LRMDA: variants seen among roughly 807,000 people sequenced by gnomAD.
LRMDA encodes the protein leucine-rich melanocyte differentiation-associated protein.
Under a neutral mutation model 29.8 loss-of-function variants are expected in LRMDA, and 18 were observed. The ratio of observed to expected loss-of-function variants is 0.60; its 90% CI spans 0.42 to 0.90. LRMDA has a LOEUF of 0.90. LRMDA is among the 40% of genes least tolerant of loss of function. The pLI, the probability that LRMDA is intolerant of heterozygous loss-of-function variation, is 0.00. For missense variants in LRMDA, 273 were observed against 273.9 expected (o/e 1.00, Z 0.02); for synonymous variants, 125 against 109.4 (o/e 1.14, Z -0.89).
intron 6 of LRMDA, among the ~76,000 whole-genome samples, chr10:76,526,918 C>A (rs1448826537): frequency 6.7e-6 from 1 of 149,970 alleles, no homozygotes; most frequent in Non-Finnish European, 1.5e-5. Flanking sequence ...CAGCATGGCA[C>A]ATGTATACAT....
At chr10:75,875,048 A>T (rs1257980748) in intron 2 of LRMDA, among the ~76,000 whole-genome samples, 2 of 152,172 alleles carry the variant, frequency 1.3e-5, no homozygotes, top group Non-Finnish European at 2.9e-5. Context: ...AATATCAATC[A>T]CTTAGCCATC....
Position 76,037,351 on chromosome 10 carries a change from G to T in LRMDA, c.258+1217G>T, listed in dbSNP as rs1589298291. On this transcript the variant is annotated intron_variant, in intron 3 of 6. Transcript: ENST00000611255. ...CATACAATAAGTTAGAAATAGAAAAGGAGACAAGGCATTTTCCTCTAGAGT... is the reference window on the plus strand; with the variant it reads ...CATACAATAAGTTAGAAATAGAAAATGAGACAAGGCATTTTCCTCTAGAGT... 3.9e-5 allele frequency among the ~76,000 whole-genome samples: 6 copies of T among 152,296 alleles called. 1 individual carries two copies. The highest frequency in any genetic ancestry group is 3.9e-4 in the Admixed American group (6 of 15,298).
chr10:76,124,546 A>G (rs1156476368), intron 5 of LRMDA, among the ~76,000 whole-genome samples: 1 of 152,250 alleles, frequency 6.6e-6, no homozygotes, highest in Non-Finnish European at 1.5e-5. Flanking sequence ...GCCTCTGGCA[A>G]GCTATTTGCC....
At chr10:76,144,325 C>T (rs1850267613) in intron 5 of LRMDA, among the ~76,000 whole-genome samples, 1 of 152,210 alleles carries the variant, frequency 6.6e-6, no homozygotes, top group Admixed American at 6.5e-5. Flanking sequence ...TATCCATGAG[C>T]TTGGAATGTT....
At chr10:75,486,881 C>T (rs760499616) in intron 2 of LRMDA, among the ~76,000 whole-genome samples, 4 of 152,192 alleles carry the variant, frequency 2.6e-5, no homozygotes, top group Non-Finnish European at 4.4e-5. Context: ...ATAATTTGTT[C>T]TTCAGGCCAC....
chr10:75,763,722 G>A (rs1172510581), intron 2 of LRMDA, among the ~76,000 whole-genome samples: 1 of 147,386 alleles, frequency 6.8e-6, no homozygotes, highest in Non-Finnish European at 1.5e-5. Flanking sequence ...TTTGGCAGGT[G>A]TTGGGGAGGT....
intron 6 of LRMDA, among the ~76,000 whole-genome samples, chr10:76,457,984 C>T (rs919632424): frequency 2.6e-5 from 4 of 152,202 alleles, no homozygotes; most frequent in African/African-American, 9.6e-5. Context: ...CTCATATGCT[C>T]TATGGACATG....
chr10:76,184,649 A>G (rs1851114568), intron 5 of LRMDA, among the ~76,000 whole-genome samples: 1 of 152,222 alleles, frequency 6.6e-6, no homozygotes, highest in Admixed American at 6.5e-5. Context: ...AACACTGTAT[A>G]GAGTAGAATT....
intron 2 of LRMDA, among the ~76,000 whole-genome samples, chr10:75,672,263 C>T (rs950812416): frequency 4.6e-5 from 7 of 152,054 alleles, no homozygotes; most frequent in Admixed American, 1.3e-4. Flanking sequence ...GTGAGAGCTC[C>T]GTGGTCTACC....
intron 5 of LRMDA, among the ~76,000 whole-genome samples, chr10:76,277,776 A>G (rs1283832385): frequency 5.3e-5 from 8 of 152,186 alleles, no homozygotes; most frequent in Non-Finnish European, 1.0e-4. Context: ...TGTTTTGTCC[A>G]TGTTCTGTAG....
intron 5 of LRMDA, among the ~76,000 whole-genome samples, chr10:76,232,990 T>C (rs1400070782): frequency 1.3e-5 from 2 of 152,040 alleles, no homozygotes; most frequent in Admixed American, 1.3e-4. Flanking sequence ...ATATGTAAAA[T>C]AGGTGAAAGG....
At chr10:75,589,954 G>C (rs1840702250) in intron 2 of LRMDA, among the ~76,000 whole-genome samples, 1 of 151,252 alleles carries the variant, frequency 6.6e-6, no homozygotes, top group Non-Finnish European at 1.5e-5. Context: ...TTCATTTTTA[G>C]TGGCTTTTTG....
chr10:75,730,806 A>G (rs1415304919), intron 2 of LRMDA, among the ~76,000 whole-genome samples: 1 of 152,124 alleles, frequency 6.6e-6, no homozygotes, highest in Non-Finnish European at 1.5e-5. Context: ...TTTTTTTTGA[A>G]GAAAGAAAAT....
At chr10:76,293,488 G>A (rs151224877) in intron 5 of LRMDA, among the ~76,000 whole-genome samples, 144 of 152,310 alleles carry the variant, frequency 9.5e-4, no homozygotes, top group African/African-American at 3.2e-3. Flanking sequence ...TGTCATTTCA[G>A]ATTTTTGCTT....
At chr10:75,908,014 G>C (rs912803993) in intron 2 of LRMDA, among the ~76,000 whole-genome samples, 4 of 152,180 alleles carry the variant, frequency 2.6e-5, no homozygotes, top group African/African-American at 9.7e-5. Context: ...TGATGAGTTG[G>C]AGGAATCACC....
chr10:75,895,665 G>A (rs1207168228), intron 2 of LRMDA, among the ~76,000 whole-genome samples: 2 of 152,216 alleles, frequency 1.3e-5, no homozygotes, highest in African/African-American at 4.8e-5. Context: ...CTGGAATAGT[G>A]TGAGCATGCT....
At position 76,508,176 on chromosome 10, in the gene LRMDA, C is replaced by T. The variant is rs980315108; in HGVS notation, c.602-49033C>T. On this transcript the variant is annotated intron_variant, in intron 6 of 6. Transcript: ENST00000611255. ...CAGTTGTGGTGATACCAGCTTTGATCACTTGGTTAAGGGGAAATCTGTCAG... is the reference window on the plus strand; with the variant it reads ...CAGTTGTGGTGATACCAGCTTTGATTACTTGGTTAAGGGGAAATCTGTCAG... 2.0e-5 allele frequency among the ~76,000 whole-genome samples: 3 copies of T among 152,164 alleles called. No individual in the cohort carries two copies. In the South Asian group the frequency reaches 6.2e-4, roughly 32 times the overall value.
intron 2 of LRMDA, among the ~76,000 whole-genome samples, chr10:75,806,651 TC>T (rs1843857886): frequency 6.6e-6 from 1 of 151,650 alleles, no homozygotes. Flanking sequence ...TTTTTTTTTT[TC>T]CATTCTTGAC....
intron 6 of LRMDA, among the ~76,000 whole-genome samples, chr10:76,352,006 A>T (rs1318410589): frequency 2.6e-5 from 4 of 152,108 alleles, no homozygotes; most frequent in Admixed American, 2.6e-4. Flanking sequence ...TGACTCTGTG[A>T]CTCTGGAGAA....
Sources: gnomAD v4.1 joint callset for allele counts (sites outside exome capture counted in the v4.1 genomes callset) on GRCh38, gnomAD v4.1.1 for gene constraint, MANE v1.5 for transcripts, NCBI Gene and HGNC (gene_info 2026-07-23, HGNC 2026-07-21) for gene names.